The following KDM2B variants were observed in gnomAD, a reference collection of about 807,000 sequenced individuals.
KDM2B encodes the protein lysine-specific demethylase 2B.
In KDM2B, 26 loss-of-function variants were observed where a neutral mutation model predicts 150.0. The ratio of observed to expected loss-of-function variants is 0.17; its 90% confidence interval spans 0.13 to 0.24. KDM2B has a LOEUF of 0.24. KDM2B is among the 10% of genes least tolerant of loss of function. KDM2B has a pLI of 1.00. For synonymous variants in KDM2B, 734 were observed against 729.5 expected (o/e 1.01, Z -0.10); for missense variants, 1,265 against 1,816.9 (o/e 0.70, Z 5.52).
chr12:121,475,514 A>T (rs991085292), intron 12 of KDM2B, among the ~76,000 whole-genome samples: 2 of 152,056 alleles, frequency 1.3e-5, no homozygotes, highest in African/African-American at 2.4e-5. Context: ...GGATCATTTG[A>T]GCCCAACAGG....
intron 12 of KDM2B, among the ~76,000 whole-genome samples, chr12:121,463,482 A>G (rs1879398630): frequency 6.6e-6 from 1 of 152,192 alleles, no homozygotes; most frequent in African/African-American, 2.4e-5. Flanking sequence ...AAATAGCTAT[A>G]ATTGGTAACA....
At position 121,430,113 on chromosome 12, in the gene KDM2B, G is replaced by A. The variant is rs376930255; in HGVS notation, c.*175C>T. 83 of 1,610,832 alleles carry A rather than the reference G, an allele frequency of 5.2e-5. No individual in the cohort carries two copies. The East Asian group carries it at 9.8e-4, about 19-fold the overall frequency. On this transcript the variant is annotated 3_prime_UTR_variant, in exon 23 of 23. Transcript: ENST00000377071. The surrounding 1 kb of genome is among the most constrained non-coding windows in gnomAD (Gnocchi z 4.4). ...TTCAGAAAGACCAAAGGAAAGTGTCGGCTCACTCATCCCCCAAACGGGTGG... is the reference window on the plus strand; with the variant it reads ...TTCAGAAAGACCAAAGGAAAGTGTCAGCTCACTCATCCCCCAAACGGGTGG...
intron 1 of KDM2B, chr12:121,579,643 G>T: frequency 7.5e-7 from 1 of 1,341,464 alleles, no homozygotes; most frequent in South Asian, 1.2e-5. Context: ...ACAAGCGCGC[G>T]CGCACACTCA....
rs1471303794 is a variant in KDM2B at position 121,440,173 on chromosome 12, C to G, written c.3611-98G>C. ...TAAAAGGCCCACCAGCCAGACAGAA[C>G]ACTCAGATTTCATTTAGTTATAAAC... On this transcript the variant is annotated intron_variant, in intron 21 of 22. Transcript: ENST00000377071. The G allele has an allele frequency of 3.7e-6, 3 of 809,070 alleles. No individual in the cohort carries two copies. The African/African-American group carries it at 5.1e-5, about 14-fold the overall frequency. 50.1% of individuals were successfully genotyped at this position (809,070 alleles called of 1,614,324 possible). A position where few individuals can be genotyped will look rare whatever the true frequency, so the allele number is the denominator to read the frequency against.
rs1594068017 is a variant in KDM2B at position 121,533,026 on chromosome 12, A to C, written c.778-67T>G. 6.4e-7 allele frequency: 1 copy of C among 1,554,310 alleles called. No individual in the cohort carries two copies. On this transcript the variant is annotated intron_variant, in intron 7 of 22. Transcript: ENST00000377071. The surrounding 1 kb of genome is among the most constrained non-coding windows in gnomAD (Gnocchi z 4.1). ...AGACAAGACCCAGAGAGAGGGCCCCACCTGCCTGGCGGAAGGGGAGGGGGC... is the reference window on the plus strand; with the variant it reads ...AGACAAGACCCAGAGAGAGGGCCCCCCCTGCCTGGCGGAAGGGGAGGGGGC...
chr12:121,452,672 C>T lies in KDM2B; in HGVS notation c.1959+448G>A, dbSNP rs1488670777. 6.6e-6 allele frequency among the ~76,000 whole-genome samples: 1 copy of T among 152,242 alleles called. No homozygotes were observed. Among genetic ancestry groups the T allele is most frequent in the Non-Finnish European group, 1.5e-5 (1 of 68,036 alleles). ...GGCCACTGCCGGAGCTGAGGCCAGG[C>T]GGTGTGGAGGGGCGGGCCAGGCTCT... is the stretch of plus-strand genomic sequence containing the variant. On this transcript the variant is annotated intron_variant, in intron 13 of 22. Coordinates refer to ENST00000377071, the MANE Select transcript of KDM2B (RefSeq NM_032590.5). The surrounding 1 kb of genome is among the most constrained non-coding windows in gnomAD (Gnocchi z 4.4).
At chr12:121,517,570 G>GCAAT (rs1205431172) in intron 9 of KDM2B, among the ~76,000 whole-genome samples, 2 of 151,640 alleles carry the variant, frequency 1.3e-5, no homozygotes, top group African/African-American at 4.8e-5. Context: ...CTGGGTTCAA[G>GCAAT]CAATCCTCCT....
chr12:121,458,119 A>G (rs1593815945), intron 12 of KDM2B, among the ~76,000 whole-genome samples: 1 of 152,296 alleles, frequency 6.6e-6, no homozygotes, highest in Non-Finnish European at 1.5e-5. Context: ...ACAGTGGCTC[A>G]CCCCTATAAT....
the KDM2B span, among the ~76,000 whole-genome samples, chr12:121,411,934 A>C: frequency 2.6e-5 from 4 of 152,218 alleles, no homozygotes; most frequent in Admixed American, 1.3e-4. Flanking sequence ...TCTGCAGTTG[A>C]GGTATTTTTT....
In KDM2B at chr12:121,571,558, C is replaced by T. The variant is rs367771823; in HGVS notation, c.397+2989G>A. On this transcript the variant is annotated intron_variant, in intron 4 of 22. Transcript: ENST00000377071. ...ATCTGCCCGCCTCAACTTCCCAAAG[C>T]GCTGGGATTACAGGCGTGAGCCACC... 1.1e-3 allele frequency among the ~76,000 whole-genome samples: 165 copies of T among 151,912 alleles called. 4 individuals are homozygous for T. The South Asian group carries it at 0.033, about 31-fold the overall frequency.
chr12:121,554,744 T>C (rs1349977330), intron 4 of KDM2B, among the ~76,000 whole-genome samples: 2 of 152,168 alleles, frequency 1.3e-5, no homozygotes, highest in African/African-American at 4.8e-5. Flanking sequence ...TTTTATACTC[T>C]CATTTAATCC....
At chr12:121,420,214 C>T in the KDM2B span, 2 of 1,604,306 alleles carry the variant, frequency 1.2e-6, no homozygotes, top group Admixed American at 3.3e-5. Flanking sequence ...TGATTCCTGA[C>T]CTAATCAGAT....
At position 121,430,765 on chromosome 12, in the gene KDM2B, T is replaced by C; in HGVS notation, c.3830-296A>G. The stretch of plus-strand genomic sequence containing the variant: ...CTATACGTGCGTATGCTCATGTAAG[T>C]AGTTCTATGTGCTTTTACAATGATA... On this transcript the variant is annotated intron_variant, in intron 22 of 22. Coordinates refer to ENST00000377071, the MANE Select transcript of KDM2B (RefSeq NM_032590.5). This position sits in a 1 kb window ranked among gnomAD's most constrained non-coding sequence, Gnocchi z 4.4. 1.8e-6 allele frequency: 1 copy of C among 553,506 alleles called. No individual in the cohort carries two copies. Among genetic ancestry groups the C allele is most frequent in the African/African-American group, 1.9e-5 (1 of 53,594 alleles). The allele number at this position is 553,506 out of a possible 1,614,324, so 34.3% of individuals were successfully genotyped here. A position where few individuals can be genotyped will look rare whatever the true frequency, so the allele number is the denominator to read the frequency against.
chr12:121,446,505 A>G (rs1441111081), intron 13 of KDM2B, among the ~76,000 whole-genome samples: 1 of 152,240 alleles, frequency 6.6e-6, no homozygotes, highest in Middle Eastern at 3.2e-3. Flanking sequence ...CTTTGTGACA[A>G]TAAGAAGTAT....
intron 13 of KDM2B, among the ~76,000 whole-genome samples, chr12:121,445,840 G>A (rs1423604618): frequency 6.6e-6 from 1 of 152,194 alleles, no homozygotes; most frequent in Admixed American, 6.5e-5. Context: ...GGGCGTGAGC[G>A]CAGCCCAGAT....
At chr12:121,573,360 G>A (rs1555316292) in intron 4 of KDM2B, among the ~76,000 whole-genome samples, 1 of 151,062 alleles carries the variant, frequency 6.6e-6, no homozygotes, top group East Asian at 1.9e-4. Context: ...TCAGCTCGCT[G>A]CAGCCTCTGC....
At chr12:121,477,897 T>C (rs1555297068) in intron 12 of KDM2B, among the ~76,000 whole-genome samples, 1 of 151,462 alleles carries the variant, frequency 6.6e-6, no homozygotes, top group African/African-American at 2.4e-5. Context: ...ATTTTAAAAC[T>C]TTTTTTTATC....
chr12:121,423,485 T>C, the KDM2B span: 2 of 1,614,130 alleles, frequency 1.2e-6, no homozygotes, highest in Non-Finnish European at 1.7e-6. This position sits in a 1 kb window ranked among gnomAD's most constrained non-coding sequence, Gnocchi z 4.3. Context: ...TGTGGGCACA[T>C]GGTTACCTGC....
intron 4 of KDM2B, among the ~76,000 whole-genome samples, chr12:121,556,223 C>A (rs1466193793): frequency 6.6e-6 from 1 of 151,918 alleles, no homozygotes; most frequent in African/African-American, 2.4e-5. Context: ...CTGCACTCGG[C>A]CTGTTTTTTG....
Sources: allele counts gnomAD v4.1 joint callset (sites outside exome capture counted in the v4.1 genomes callset), GRCh38; gene constraint gnomAD v4.1.1; non-coding constraint Gnocchi (gnomAD v3.1); transcripts MANE v1.5; gene names NCBI Gene and HGNC (gene_info 2026-07-23, HGNC 2026-07-21).